Variants in AK8 observed in about 807,000 individuals in gnomAD.
AK8 encodes the protein ATP-AMP transphosphorylase 8.
In AK8, 44 loss-of-function variants were observed where a neutral mutation model predicts 54.6. The ratio of observed to expected loss-of-function variants is 0.81; its 90% CI spans 0.63 to 1.04. AK8 has a LOEUF of 1.04. Ranked by LOEUF, AK8 falls within the 50% of genes least tolerant of loss-of-function variation. The probability of loss-of-function intolerance (pLI) is 0.00; values close to 1 mark genes in which losing one functional copy is unlikely to be tolerated. For synonymous variants in AK8, 239 were observed against 245.6 expected (o/e 0.97, Z 0.25); for missense variants, 555 against 613.6 (o/e 0.90, Z 1.01).
chr9:132,878,633 T>A, upstream of AK8: 1 of 1,040,068 alleles, frequency 9.6e-7, no homozygotes, highest in Non-Finnish European at 1.2e-6. The surrounding 1 kb of genome is among the most constrained non-coding windows in gnomAD (Gnocchi z 4.7). Context: ...CCCGGCTCCC[T>A]GTGCCTCAGT....
At chr9:132,831,894 C>T (rs951027779) in intron 5 of AK8, among the ~76,000 whole-genome samples, 1 of 151,456 alleles carries the variant, frequency 6.6e-6, no homozygotes, top group African/African-American at 2.4e-5. Context: ...CCCACTCTAC[C>T]GAAAAAGATT....
At chr9:132,771,473 G>A (rs1838976657) in intron 11 of AK8, among the ~76,000 whole-genome samples, 1 of 152,180 alleles carries the variant, frequency 6.6e-6, no homozygotes, top group Non-Finnish European at 1.5e-5. Flanking sequence ...ATCTTTATAT[G>A]CTTAAGCCCC....
rs1404705747 is a variant in AK8 at position 132,799,520 on chromosome 9, C to T, written c.980-6745G>A. Among the ~76,000 whole-genome samples the T allele has an allele frequency of 2.6e-5, 4 of 151,958 alleles. No individual in the cohort carries two copies. Among genetic ancestry groups the T allele is most frequent in the African/African-American group, 9.7e-5 (4 of 41,358 alleles). On this transcript the variant is annotated intron_variant, in intron 10 of 12. Coordinates refer to ENST00000298545, the MANE Select transcript of AK8 (RefSeq NM_152572.3). This position sits in a 1 kb window ranked among gnomAD's most constrained non-coding sequence, Gnocchi z 5.0. ...CCCCCACACACTACATACATGTCTA[C>T]ACACACGACACCTGACACACTACAA... is the stretch of plus-strand genomic sequence containing the variant.
intron 3 of AK8, 89 bp downstream of exon 3, chr9:132,866,815 C>G (rs561326373): frequency 8.0e-7 from 1 of 1,251,586 alleles, no homozygotes; most frequent in South Asian, 1.2e-5. Context: ...CTCAGTTATG[C>G]TACAAATTCA....
intron 12 of AK8, 23 bp downstream of exon 12, chr9:132,727,431 A>G (rs374821225): frequency 5.3e-5 from 86 of 1,612,984 alleles, no homozygotes; most frequent in Non-Finnish European, 6.8e-5. Flanking sequence ...CAGACTGCCA[A>G]CCACCAGGAA....
At chr9:132,756,878 G>C (rs1185844919) in intron 11 of AK8, among the ~76,000 whole-genome samples, 1 of 152,016 alleles carries the variant, frequency 6.6e-6, no homozygotes, top group African/African-American at 2.4e-5. Flanking sequence ...CGTGTCTAGA[G>C]AGTTCTGCCT....
chr9:132,772,393 G>A (rs1839023005), intron 11 of AK8, among the ~76,000 whole-genome samples: 1 of 152,166 alleles, frequency 6.6e-6, no homozygotes, highest in South Asian at 2.1e-4. Flanking sequence ...AGTTAAAAGG[G>A]CCCTAAAAGG....
intron 5 of AK8, among the ~76,000 whole-genome samples, chr9:132,853,740 C>T (rs11243920): frequency 0.017 from 2,292 of 132,510 alleles, 31 homozygotes; most frequent in Non-Finnish European, 0.025. Context: ...GAGCAGTGAT[C>T]GCCACTGCAC....
At chr9:132,820,035 G>C (rs1841511266) in intron 9 of AK8, among the ~76,000 whole-genome samples, 1 of 151,138 alleles carries the variant, frequency 6.6e-6, no homozygotes, top group Non-Finnish European at 1.5e-5. Flanking sequence ...TACACCTGTA[G>C]TCCCAGCTAC....
chr9:132,807,341 C>T (rs1840773525), intron 10 of AK8, among the ~76,000 whole-genome samples: 2 of 152,240 alleles, frequency 1.3e-5, no homozygotes, highest in South Asian at 4.1e-4. Flanking sequence ...GGGGACATGG[C>T]ATGGCTGGCG....
At chr9:132,874,389 G>A (rs1161680361) in intron 2 of AK8, 1 of 152,358 alleles carries the variant, frequency 6.6e-6, no homozygotes. Flanking sequence ...TCTGTCCTCA[G>A]CTGTACCAAG....
chr9:132,789,592 T>C (rs143496781), intron 11 of AK8, among the ~76,000 whole-genome samples: 4,527 of 70,670 alleles, frequency 0.064, 331 homozygotes, highest in African/African-American at 0.2. Context: ...GTGATACTCA[T>C]CTCACAAAAA....
Position 132,826,346 on chromosome 9 carries a change from A to G in AK8, c.757+508T>C, listed in dbSNP as rs1470902982. On this transcript the variant is annotated intron_variant, in intron 8 of 12. Transcript: ENST00000298545. The surrounding 1 kb of genome is among the most constrained non-coding windows in gnomAD (Gnocchi z 4.5). ...CAGTGGCTCCCGAGCTGCTGTGAACATTGGCCATTGCTGTGGACAGCAACG... is the reference window on the plus strand; with the variant it reads ...CAGTGGCTCCCGAGCTGCTGTGAACGTTGGCCATTGCTGTGGACAGCAACG... Among the ~76,000 whole-genome samples the G allele has an allele frequency of 6.6e-6, 1 of 152,192 alleles. No homozygotes were observed. The highest frequency in any genetic ancestry group is 1.5e-5 in the Non-Finnish European group (1 of 68,032).
At chr9:132,857,872 C>T (rs913510504) in intron 4 of AK8, among the ~76,000 whole-genome samples, 5 of 152,236 alleles carry the variant, frequency 3.3e-5, no homozygotes, top group Non-Finnish European at 5.9e-5. Context: ...GCTGTCTCCA[C>T]GCCAGCTTTG....
Position 132,782,432 on chromosome 9 carries a change from G to A in AK8, c.1121+10202C>T, listed in dbSNP as rs142406111. 4.6e-3 allele frequency among the ~76,000 whole-genome samples: 697 copies of A among 152,272 alleles called. 7 individuals are homozygous for A. Among genetic ancestry groups the A allele is most frequent in the African/African-American group, 0.016 (665 of 41,540 alleles). ...AGGCTGGGAGCAGTGGCTCACGCCT[G>A]TAATCCCAACACTTTGGGAGCCCAG... On this transcript the variant is annotated intron_variant, in intron 11 of 12. Coordinates refer to ENST00000298545, the MANE Select transcript of AK8 (RefSeq NM_152572.3).
intron 11 of AK8, among the ~76,000 whole-genome samples, chr9:132,729,636 G>A (rs919453459): frequency 1.2e-4 from 18 of 152,194 alleles, no homozygotes; most frequent in African/African-American, 3.1e-4. Context: ...GGACACAGCA[G>A]GAAGTTCCAG....
intron 11 of AK8, among the ~76,000 whole-genome samples, chr9:132,785,915 G>A (rs879552787): frequency 4.6e-5 from 7 of 152,160 alleles, no homozygotes; most frequent in East Asian, 3.9e-4. Context: ...CTTGAAACCC[G>A]CACCAGATTT....
chr9:132,844,297 C>CAAAAAAA (rs35309762), intron 5 of AK8, among the ~76,000 whole-genome samples: 143 of 92,102 alleles, frequency 1.6e-3, no homozygotes, highest in African/African-American at 2.8e-3. Flanking sequence ...TGCATTAGAC[C>CAAAAAAA]AAAAAAAAAA....
intron 4 of AK8, among the ~76,000 whole-genome samples, chr9:132,861,191 C>G (rs1039520713): frequency 2.6e-5 from 4 of 152,220 alleles, no homozygotes; most frequent in African/African-American, 9.7e-5. Flanking sequence ...TGTGACACTG[C>G]CCGATTCCAG....
Sources: allele counts gnomAD v4.1 joint callset (sites outside exome capture counted in the v4.1 genomes callset), GRCh38; gene constraint gnomAD v4.1.1; non-coding constraint Gnocchi (gnomAD v3.1); transcripts MANE v1.5; gene names NCBI Gene and HGNC (gene_info 2026-07-23, HGNC 2026-07-21).